Variants in PSPH observed in about 807,000 individuals in gnomAD.
The protein encoded by PSPH is L-3-phosphoserine phosphatase.
A neutral mutation model predicts 23.4 loss-of-function variants in PSPH; 16 were observed. That is an observed-to-expected ratio of 0.68 (90% CI 0.46 to 1.04). PSPH has a LOEUF of 1.04. PSPH is among the 50% of genes least tolerant of loss of function. The pLI is 0.00. For synonymous variants in PSPH, 68 were observed against 99.7 expected (o/e 0.68, Z 1.89); for missense variants, 223 against 273.7 (o/e 0.81, Z 1.31).
chr7:56,041,907 G>A (rs1792588321), intron 1 of PSPH, among the ~76,000 whole-genome samples: 1 of 151,282 alleles, frequency 6.6e-6, no homozygotes, highest in African/African-American at 2.4e-5. Flanking sequence ...CTGGGCAACA[G>A]AGCGAGACTC....
chr7:56,022,489 G>C (rs1377102363), intron 3 of PSPH, among the ~76,000 whole-genome samples: 2 of 152,110 alleles, frequency 1.3e-5, no homozygotes, highest in Non-Finnish European at 2.9e-5. Flanking sequence ...AAGGAGGGAG[G>C]CTTGTGATGG....
intron 1 of PSPH, among the ~76,000 whole-genome samples, chr7:56,050,057 C>A (rs1012955625): frequency 6.6e-6 from 1 of 152,076 alleles, no homozygotes; most frequent in African/African-American, 2.4e-5. Context: ...TTTTTAACAG[C>A]AGTTATAATA....
chr7:56,042,371 C>T (rs545373931), intron 1 of PSPH, among the ~76,000 whole-genome samples: 1 of 152,138 alleles, frequency 6.6e-6, no homozygotes, highest in South Asian at 2.1e-4. Flanking sequence ...CAGAAGGGAG[C>T]CGGGCACAGT....
rs541788216 is a variant in PSPH, at chr7:56,049,175, C to T, written c.-292+1963G>A. ...TCCTGACCTTGTGATCTGCCCGCCT[C>T]GGCCTCCCAAAGTGCTGGGATTACA... On this transcript the variant is annotated intron_variant, in intron 1 of 7. Coordinates refer to ENST00000275605, the MANE Select transcript of PSPH (RefSeq NM_004577.4). Among the ~76,000 whole-genome samples, 15 of 151,932 alleles carry T rather than the reference C, an allele frequency of 9.9e-5. No individual in the cohort carries two copies. The East Asian group carries it at 2.1e-3, about 22-fold the overall frequency.
At chr7:56,051,019 G>A (rs1254724535) in intron 1 of PSPH, 119 bp downstream of exon 1, 4 of 152,144 alleles carry the variant, frequency 2.6e-5, no homozygotes, top group Non-Finnish European at 5.9e-5. Context: ...GCAACATAGT[G>A]AGACCCTATG....
At chr7:56,048,137 G>A (rs934942798) in intron 1 of PSPH, among the ~76,000 whole-genome samples, 7 of 152,008 alleles carry the variant, frequency 4.6e-5, no homozygotes, top group Non-Finnish European at 8.8e-5. Flanking sequence ...AAATTAGCCC[G>A]GCATGGTGGT....
chr7:56,049,904 C>A (rs1023806129), intron 1 of PSPH, among the ~76,000 whole-genome samples: 6 of 151,146 alleles, frequency 4.0e-5, no homozygotes, highest in African/African-American at 1.5e-4. Context: ...CCAGGCCAGG[C>A]TGATGTATTT....
intron 1 of PSPH, among the ~76,000 whole-genome samples, chr7:56,037,873 C>T (rs1029436114): frequency 2.6e-5 from 4 of 151,388 alleles, no homozygotes; most frequent in African/African-American, 7.3e-5. Flanking sequence ...CCACCATGCC[C>T]GGCTAATTTT....
intron 2 of PSPH, among the ~76,000 whole-genome samples, chr7:56,032,476 C>T (rs34378629): frequency 0.019 from 2,857 of 151,458 alleles, 51 homozygotes; most frequent in Admixed American, 0.049. Flanking sequence ...GCTAACATGG[C>T]GAAACCACGT....
chr7:56,032,110 AG>A (rs1312444435), intron 2 of PSPH, 56 bp from the exon 3 acceptor site: 1 of 152,248 alleles, frequency 6.6e-6, no homozygotes, highest in Admixed American at 6.6e-5. Flanking sequence ...AACAGGAAAG[AG>A]GGAGACTGGC....
Position 56,011,596 on chromosome 7 carries a change from A to T in PSPH, c.*166T>A, listed in dbSNP as rs954924169. On this transcript the variant is annotated 3_prime_UTR_variant, in exon 8 of 8. Coordinates refer to ENST00000275605, the MANE Select transcript of PSPH (RefSeq NM_004577.4). ...TAATACTGGAACTACAGTTAAAAAA[A>T]AAAAAAAAGCAATCTTCTAGGATTC... is the stretch of plus-strand genomic sequence containing the variant. 3.4e-6 allele frequency: 2 copies of T among 593,410 alleles called. No individual in the cohort carries two copies. The highest frequency in any genetic ancestry group is 3.0e-6 in the Non-Finnish European group (1 of 337,656). The allele number at this position is 593,410 out of a possible 1,614,324, so 36.8% of individuals were successfully genotyped here. A position where few individuals can be genotyped will look rare whatever the true frequency, so the allele number is the denominator to read the frequency against.
intron 1 of PSPH, among the ~76,000 whole-genome samples, chr7:56,048,122 T>C (rs1042063269): frequency 1.3e-5 from 2 of 151,652 alleles, no homozygotes; most frequent in African/African-American, 4.8e-5. Flanking sequence ...CTACTAAAAG[T>C]ACAAAAATTA....
At chr7:56,016,656 C>T (rs1219915753) in intron 6 of PSPH, among the ~76,000 whole-genome samples, 1 of 151,928 alleles carries the variant, frequency 6.6e-6, no homozygotes, top group Non-Finnish European at 1.5e-5. Flanking sequence ...CTGCAGCCTC[C>T]GCCTCCCAGC....
chr7:56,020,936 T>G (rs1789297419), intron 4 of PSPH, 137 bp downstream of exon 4: 1 of 944,542 alleles, frequency 1.1e-6, no homozygotes. Flanking sequence ...TGAATGAATA[T>G]GTCAAATTCA....
At chr7:56,028,921 C>G (rs1031058461) in intron 3 of PSPH, among the ~76,000 whole-genome samples, 1 of 151,958 alleles carries the variant, frequency 6.6e-6, no homozygotes, top group Admixed American at 6.6e-5. Context: ...CAGGTTCAAG[C>G]GATTCTCCTG....
intron 6 of PSPH, among the ~76,000 whole-genome samples, chr7:56,015,779 C>T (rs996667452): frequency 7.9e-5 from 12 of 152,062 alleles, no homozygotes; most frequent in Non-Finnish European, 1.8e-4. Context: ...GTGTCTCAGC[C>T]TCCCAAGTAG....
At chr7:56,032,335 G>T (rs192239950) in intron 2 of PSPH, among the ~76,000 whole-genome samples, 1 of 152,230 alleles carries the variant, frequency 6.6e-6, no homozygotes, top group Non-Finnish European at 1.5e-5. Flanking sequence ...GAGGGAAAGA[G>T]AATCTCTTAG....
Position 56,011,529 on chromosome 7 carries a change from A to G in PSPH, c.*233T>C, listed in dbSNP as rs563145836. 2 of 54,516 alleles carry G rather than the reference A, an allele frequency of 3.7e-5. No homozygotes were observed. Among genetic ancestry groups the G allele is most frequent in the East Asian group, 1.6e-3 (2 of 1,216 alleles). 3.4% of individuals were successfully genotyped at this position (54,516 alleles called of 1,614,324 possible). On this transcript the variant is annotated 3_prime_UTR_variant, in exon 8 of 8. Transcript: ENST00000275605. ...GGGCAACAGAGCAAGATTCTGTCTCAAAAAAAAAAAAAACCTCTCCAGGAA... is the reference window on the plus strand; with the variant it reads ...GGGCAACAGAGCAAGATTCTGTCTCGAAAAAAAAAAAAACCTCTCCAGGAA...
chr7:56,034,789 TACAGGCGTGAGCC>T (rs567148847), intron 1 of PSPH, among the ~76,000 whole-genome samples: 718 of 152,346 alleles, frequency 4.7e-3, no homozygotes, highest in Non-Finnish European at 7.2e-3. Flanking sequence ...GTGCTGGGAT[TACAGGCGTGAGCC>T]ACCACGCCCG....
Sources: gnomAD v4.1 joint callset for allele counts (sites outside exome capture counted in the v4.1 genomes callset) on GRCh38, gnomAD v4.1.1 for gene constraint, MANE v1.5 for transcripts, NCBI Gene and HGNC (gene_info 2026-07-23, HGNC 2026-07-21) for gene names.